STOX2: variants seen among roughly 807,000 people sequenced by gnomAD.
The protein encoded by STOX2 is storkhead-box protein 2.
Under a neutral mutation model 60.9 loss-of-function variants are expected in STOX2, and 28 were observed. That is an observed-to-expected ratio of 0.46 (90% CI 0.34 to 0.63). The LOEUF (loss-of-function observed/expected upper bound fraction) is 0.63, where lower values mean the gene tolerates loss of function less well. Ranked by LOEUF, STOX2 falls within the 30% of genes least tolerant of loss-of-function variation. STOX2 has a pLI of 0.01. For missense variants in STOX2, 1,024 were observed against 1,187.7 expected (o/e 0.86, Z 2.03); for synonymous variants, 472 against 463.9 (o/e 1.02, Z -0.22).
intron 1 of STOX2, among the ~76,000 whole-genome samples, chr4:183,800,017 G>A (rs1427062678): frequency 6.6e-6 from 1 of 152,166 alleles, no homozygotes; most frequent in African/African-American, 2.4e-5. Context: ...AAGAGCAGGG[G>A]TGATACCTGC....
chr4:183,881,067 C>T (rs1020778721), intron 1 of STOX2, among the ~76,000 whole-genome samples: 9 of 152,072 alleles, frequency 5.9e-5, no homozygotes, highest in African/African-American at 1.9e-4. Flanking sequence ...AGCCTTTCTG[C>T]CTTCAATGAG....
chr4:183,897,585 T>C (rs1741366375), intron 1 of STOX2, among the ~76,000 whole-genome samples: 1 of 152,230 alleles, frequency 6.6e-6, no homozygotes, highest in South Asian at 2.1e-4. Context: ...CTGAACTCTT[T>C]GGATTTTGCT....
rs147232340 is a variant in STOX2 at position 183,940,061 on chromosome 4, C to T, written c.166+33105C>T. Among the ~76,000 whole-genome samples the T allele has an allele frequency of 1.0e-2, 1,516 of 152,302 alleles. 13 individuals carry two copies. Among genetic ancestry groups the T allele is most frequent in the Non-Finnish European group, 0.013 (901 of 68,022 alleles). Reference sequence around the variant, plus strand: ...GGAATTACAGGCGTCCGCCACCACACCCAGCTAAGTTTTGTATTTTTAGTA... The same window carrying T: ...GGAATTACAGGCGTCCGCCACCACATCCAGCTAAGTTTTGTATTTTTAGTA... On this transcript the variant is annotated intron_variant, in intron 1 of 3. Transcript: ENST00000308497.
rs1188587543 is a variant in STOX2, at chr4:183,836,886, A to C, written c.364+38831A>C. ...CTATACAGGTTTGGTACACCTTGGA[A>C]TGGATTGTCTTTTCTGTCTTTTATA... On this transcript the variant is annotated intron_variant, in intron 1 of 2. Coordinates refer to the STOX2 transcript ENST00000513034. This position sits in a 1 kb window ranked among gnomAD's most constrained non-coding sequence, Gnocchi z 4.1. Among the ~76,000 whole-genome samples the C allele has an allele frequency of 2.0e-5, 3 of 152,194 alleles. No homozygotes were observed. Among genetic ancestry groups the C allele is most frequent in the Non-Finnish European group, 4.4e-5 (3 of 68,030 alleles).
At chr4:183,941,534 C>G (rs1173670946) in intron 1 of STOX2, among the ~76,000 whole-genome samples, 1 of 152,192 alleles carries the variant, frequency 6.6e-6, no homozygotes, top group African/African-American at 2.4e-5. Flanking sequence ...CACCACTGCA[C>G]TCCAGCCTGG....
At chr4:183,897,996 G>C (rs529608221) in intron 1 of STOX2, among the ~76,000 whole-genome samples, 22 of 152,164 alleles carry the variant, frequency 1.4e-4, no homozygotes, top group African/African-American at 5.3e-4. Flanking sequence ...AGCTTATTTT[G>C]AAGTAAGCAT....
chr4:184,003,617 C>G (rs1733686100), intron 2 of STOX2, among the ~76,000 whole-genome samples: 1 of 152,212 alleles, frequency 6.6e-6, no homozygotes, highest in African/African-American at 2.4e-5. Context: ...GGCCCACCAC[C>G]TGTTTTTGTA....
rs142065724 is a variant in STOX2 at position 183,952,401 on chromosome 4, T to C, written c.166+45445T>C. The stretch of plus-strand genomic sequence containing the variant: ...ATTCTGAATTATTTGAACTCAACTA[T>C]GTGATTCTTGTCGGAAGTATATACA... On this transcript the variant is annotated intron_variant, in intron 1 of 3. Coordinates refer to ENST00000308497, the MANE Select transcript of STOX2 (RefSeq NM_020225.3). 8.9e-4 allele frequency among the ~76,000 whole-genome samples: 136 copies of C among 152,400 alleles called. No homozygotes were observed. The Middle Eastern group carries it at 0.024, about 27-fold the overall frequency.
rs762864636 is a variant in STOX2 at position 184,010,101 on chromosome 4, C to T, written c.1263C>T (p.Phe421=). Residue 421 remains phenylalanine (F), a synonymous_variant, in exon 3 of 4, where the codon TTC becomes TTT. Transcript: ENST00000308497. The surrounding 1 kb of genome is among the most constrained non-coding windows in gnomAD (Gnocchi z 4.5). ...TCATTGAACACAAAGGAGATAACTT[C>T]ATCATGCACAGCAACACAAACGTGC... ...CFIIEHKGDN[F]IMHSNTNVLE... 78 of 1,600,506 alleles carry T rather than the reference C, an allele frequency of 4.9e-5. No homozygotes were observed. The highest frequency in any genetic ancestry group is 6.3e-5 in the Non-Finnish European group (74 of 1,173,204).
intron 1 of STOX2, among the ~76,000 whole-genome samples, chr4:183,838,025 A>G (rs1739757808): frequency 6.6e-6 from 1 of 152,192 alleles, no homozygotes; most frequent in Non-Finnish European, 1.5e-5. Context: ...AGAAAAATAC[A>G]GAAAATTAAA....
intron 1 of STOX2, among the ~76,000 whole-genome samples, chr4:183,947,408 T>TG (rs1207021271): frequency 6.6e-6 from 1 of 152,134 alleles, no homozygotes; most frequent in Middle Eastern, 3.2e-3. Flanking sequence ...ATCTAGTTTG[T>TG]GGGGTGGGGC....
At chr4:183,816,312 G>C (rs1579295912) in intron 1 of STOX2, among the ~76,000 whole-genome samples, 1 of 152,336 alleles carries the variant, frequency 6.6e-6, no homozygotes, top group Non-Finnish European at 1.5e-5. Context: ...GGAATACTAT[G>C]CAGCCATAAA....
intron 1 of STOX2, among the ~76,000 whole-genome samples, chr4:183,998,723 G>T (rs566623247): frequency 6.6e-6 from 1 of 152,054 alleles, no homozygotes; most frequent in East Asian, 1.9e-4. Context: ...TGTATTTTTT[G>T]TAGAGATGGG....
chr4:183,958,770 C>T (rs534011593), intron 1 of STOX2, among the ~76,000 whole-genome samples: 19 of 152,226 alleles, frequency 1.2e-4, no homozygotes, highest in African/African-American at 3.9e-4. Context: ...CTCGGTGTCC[C>T]GGGCCCGCAC....
At chr4:184,000,744 C>G (rs917787052) in intron 1 of STOX2, among the ~76,000 whole-genome samples, 1 of 138,272 alleles carries the variant, frequency 7.2e-6, no homozygotes, top group Non-Finnish European at 1.6e-5. Context: ...TATCCTTCCT[C>G]GACTCTCAGC....
chr4:183,973,239 C>G (rs1282837229), intron 1 of STOX2, among the ~76,000 whole-genome samples: 1 of 152,108 alleles, frequency 6.6e-6, no homozygotes, highest in African/African-American at 2.4e-5. Flanking sequence ...CAAACCTAAA[C>G]AGGCTAAAAT....
intron 1 of STOX2, among the ~76,000 whole-genome samples, chr4:183,959,635 C>T (rs1299994357): frequency 1.3e-5 from 2 of 152,134 alleles, no homozygotes; most frequent in Non-Finnish European, 2.9e-5. Context: ...ATTTACTCTG[C>T]TTGCATTGTG....
intron 1 of STOX2, among the ~76,000 whole-genome samples, chr4:183,977,531 A>C (rs1036253516): frequency 1.6e-5 from 1 of 62,712 alleles, no homozygotes; most frequent in Non-Finnish European, 3.6e-5. Flanking sequence ...TTTATGGCTG[A>C]GTAGCATTCC....
chr4:183,798,146 C>A, intron 1 of STOX2: 1 of 1,172,342 alleles, frequency 8.5e-7, no homozygotes, highest in Non-Finnish European at 1.1e-6. Context: ...TGCCCCAGCC[C>A]GCCGCGGGCA....
Sources: allele counts gnomAD v4.1 joint callset (sites outside exome capture counted in the v4.1 genomes callset), GRCh38; gene constraint gnomAD v4.1.1; non-coding constraint Gnocchi (gnomAD v3.1); transcripts MANE v1.5; gene names NCBI Gene and HGNC (gene_info 2026-07-23, HGNC 2026-07-21).